DYRK4: variants seen among roughly 807,000 people sequenced by gnomAD.
DYRK4 encodes dual specificity tyrosine phosphorylation regulated kinase 4, also known as dual specificity tyrosine-phosphorylation-regulated kinase 4.
Under a neutral mutation model 68.3 loss-of-function variants are expected in DYRK4, and 64 were observed. The observed-to-expected ratio is 0.94, with a 90% CI of 0.77 to 1.15. The LOEUF is 1.15. DYRK4 is among the 50% of genes most tolerant of loss of function. The pLI is 0.00. For missense variants in DYRK4, 740 were observed against 764.7 expected (o/e 0.97, Z 0.38); for synonymous variants, 274 against 289.9 (o/e 0.95, Z 0.56).
At chr12:4,575,299 C>CGTGTGTGTGTGTGTGTGTGTGTGTG (rs1555120909) in intron 2 of DYRK4, among the ~76,000 whole-genome samples, 2 of 148,862 alleles carry the variant, frequency 1.3e-5, no homozygotes, top group Non-Finnish European at 3.0e-5. Context: ...CAATAACTTA[C>CGTGTGTGTGTGTGTGTGTGTGTGTG]TGTGTGTGTG....
At chr12:4,562,490 G>A (rs1203092143) in intron 1 of DYRK4, among the ~76,000 whole-genome samples, 3 of 152,340 alleles carry the variant, frequency 2.0e-5, no homozygotes, top group East Asian at 3.9e-4. Flanking sequence ...CTGCATCCCC[G>A]GAATCCGACG....
intron 12 of DYRK4, among the ~76,000 whole-genome samples, chr12:4,607,872 GT>G (rs1325098563): frequency 2.2e-4 from 33 of 152,300 alleles, no homozygotes; most frequent in African/African-American, 7.7e-4. Flanking sequence ...ATTGCCAATG[GT>G]TAAGCAAGGA....
In DYRK4 at chr12:4,613,406, A is replaced by G; in HGVS notation, c.1667-109A>G. On this transcript the variant is annotated intron_variant, in intron 14 of 14. Coordinates refer to ENST00000543431, the MANE Select transcript of DYRK4 (RefSeq NM_001394779.1). The surrounding 1 kb of genome is among the most constrained non-coding windows in gnomAD (Gnocchi z 4.0). ...GGTGCTTTACAAATGAACTGTTTTT[A>G]TATCATCACGGTCATCGTTTCCACT... 7.2e-7 allele frequency: 1 copy of G among 1,386,138 alleles called. No individual in the cohort carries two copies. Among genetic ancestry groups the G allele is most frequent in the South Asian group, 1.5e-5 (1 of 67,768 alleles). 85.9% of individuals were successfully genotyped at this position (1,386,138 alleles called of 1,614,324 possible).
chr12:4,590,800 G>C (rs931596991), intron 4 of DYRK4: 6 of 387,760 alleles, frequency 1.5e-5, no homozygotes, highest in Non-Finnish European at 2.7e-5. Flanking sequence ...ACTGAAAGAG[G>C]CGTCACACAC....
chr12:4,600,264 T>C (rs1159757564), intron 10 of DYRK4, among the ~76,000 whole-genome samples: 1 of 139,578 alleles, frequency 7.2e-6, no homozygotes, highest in African/African-American at 3.4e-5. Flanking sequence ...TACTGAACTT[T>C]ATTTAATATT....
chr12:4,584,102 A>T (rs1167911403), intron 2 of DYRK4, among the ~76,000 whole-genome samples: 3 of 152,150 alleles, frequency 2.0e-5, no homozygotes, highest in Non-Finnish European at 4.4e-5. Context: ...CACAAAGAAA[A>T]ACAAAAGTTC....
At chr12:4,587,674 C>T (rs952645686) in intron 2 of DYRK4, among the ~76,000 whole-genome samples, 4 of 152,172 alleles carry the variant, frequency 2.6e-5, no homozygotes, top group Non-Finnish European at 5.9e-5. Context: ...AGACCATGCC[C>T]CATGTTCTAT....
At chr12:4,578,955 C>A (rs115976219) in intron 2 of DYRK4, among the ~76,000 whole-genome samples, 3,359 of 152,294 alleles carry the variant, frequency 0.022, 103 homozygotes, top group African/African-American at 0.075. Context: ...ACATGCACAT[C>A]TCCTTCTTTC....
intron 3 of DYRK4, among the ~76,000 whole-genome samples, chr12:4,589,883 G>A (rs1262648324): frequency 2.0e-5 from 3 of 152,184 alleles, no homozygotes; most frequent in Admixed American, 6.5e-5. Context: ...TTGCACTGAG[G>A]AAGATTTGTG....
intron 10 of DYRK4, chr12:4,602,710 C>G (rs1448194424): frequency 1.4e-6 from 2 of 1,479,636 alleles, no homozygotes; most frequent in Admixed American, 3.4e-5. Context: ...AGGCAAATAC[C>G]CCTGACTCTT....
chr12:4,596,503 G>A, intron 7 of DYRK4, 86 bp from the exon 8 acceptor site: 2 of 1,541,946 alleles, frequency 1.3e-6, no homozygotes, highest in Non-Finnish European at 1.7e-6. Flanking sequence ...TGGGGTCATG[G>A]GGAGGGGCTG....
chr12:4,604,818 C>CG, intron 10 of DYRK4, 96 bp from the exon 11 acceptor site: 5 of 1,405,336 alleles, frequency 3.6e-6, no homozygotes, highest in Non-Finnish European at 4.7e-6. Flanking sequence ...TCACTGCCAG[C>CG]GGGGGCGCAG....
chr12:4,593,242 T>C lies in DYRK4; in HGVS notation c.627+77T>C, dbSNP rs193116386. The C allele has an allele frequency of 1.5e-5, 22 of 1,511,688 alleles. No individual in the cohort carries two copies. The Admixed American group carries it at 4.6e-4, about 32-fold the overall frequency. 93.6% of individuals were successfully genotyped at this position (1,511,688 alleles called of 1,614,324 possible). On this transcript the variant is annotated intron_variant, in intron 6 of 14. Coordinates refer to ENST00000543431, the MANE Select transcript of DYRK4 (RefSeq NM_001394779.1). Reference sequence around the variant, plus strand: ...AGTCTAGAAAGGAAAAAAGCAACGGTATTTTGTAGTATTTGGGGCTGATAC... The same window carrying C: ...AGTCTAGAAAGGAAAAAAGCAACGGCATTTTGTAGTATTTGGGGCTGATAC...
In DYRK4 at chr12:4,596,193, A is replaced by G. The variant is rs555277568; in HGVS notation, c.672A>G (p.Thr224=). ...HIAYRYEVLE[T]IGKGSFGQVA... is the part of the protein sequence containing the mutation. ...CCTACCGCTATGAAGTTCTGGAGACAATCGGGAAGGGGTCCTTTGGACAGG... is the reference window on the plus strand; with the variant it reads ...CCTACCGCTATGAAGTTCTGGAGACGATCGGGAAGGGGTCCTTTGGACAGG... The change falls in exon 7 of 15, where the codon ACA becomes ACG. Residue 224 remains threonine (T), a synonymous_variant. Coordinates refer to ENST00000543431, the MANE Select transcript of DYRK4 (RefSeq NM_001394779.1). The G allele has an allele frequency of 6.2e-7, 1 of 1,614,198 alleles. No individual in the cohort carries two copies. Among genetic ancestry groups the G allele is most frequent in the African/African-American group, 1.3e-5 (1 of 75,042 alleles).
In DYRK4 at chr12:4,590,376, A is replaced by G; in HGVS notation, c.260A>G (p.Lys87Arg). 6.5e-7 allele frequency: 1 copy of G among 1,535,950 alleles called. No individual in the cohort carries two copies. Among genetic ancestry groups the G allele is most frequent in the Non-Finnish European group, 8.7e-7 (1 of 1,146,838 alleles). Reference protein sequence around the residue: ...SLPFVDTKGKKNTVSFPHISK... With the variant: ...SLPFVDTKGKRNTVSFPHISK... ...CCCTTTGTGGACACCAAGGGGAAGA[A>G]GAATACGGTAAGCTTCCCACACATT... Residue 87 changes from lysine to arginine, a missense_variant, in exon 4 of 15, where the codon AAG becomes AGG. Lys to Arg is a conservative substitution (Grantham distance 26). Around this residue, in one of 3 missense-constraint regions of DYRK4, gnomAD observed 56 missense variants for 89.9 expected, o/e 0.62. Transcript: ENST00000543431.
chr12:4,571,432 C>T (rs1422810357), intron 2 of DYRK4, among the ~76,000 whole-genome samples: 5 of 152,182 alleles, frequency 3.3e-5, no homozygotes, highest in Non-Finnish European at 2.9e-5. Flanking sequence ...TCTTGCCCTC[C>T]AGAACTGTGC....
intron 1 of DYRK4, among the ~76,000 whole-genome samples, chr12:4,566,259 G>A (rs967407448): frequency 2.6e-5 from 4 of 152,156 alleles, no homozygotes; most frequent in Admixed American, 6.5e-5. Flanking sequence ...TTCAGCCCAG[G>A]TTTAGCATAG....
Position 4,613,610 on chromosome 12 carries a change from G to C in DYRK4, c.1762G>C (p.Ala588Pro), listed in dbSNP as rs1945254649. 2.5e-6 allele frequency: 4 copies of C among 1,614,174 alleles called. No individual in the cohort carries two copies. The South Asian group carries it at 4.4e-5, about 18-fold the overall frequency. The change falls in exon 15 of 15, where the codon GCT (alanine) becomes CCT (proline). Residue 588 changes from alanine to proline, a missense_variant. Physicochemically the swap from Ala to Pro is conservative, Grantham distance 27. Coordinates refer to ENST00000543431, the MANE Select transcript of DYRK4 (RefSeq NM_001394779.1). This position sits in a 1 kb window ranked among gnomAD's most constrained non-coding sequence, Gnocchi z 4.0. Reference sequence around the variant, plus strand: ...TCAGCAGGACTGTCTCCAGCACGGAGCTGACACTGTTCAGCTGCCTCAACT... The same window carrying C: ...TCAGCAGGACTGTCTCCAGCACGGACCTGACACTGTTCAGCTGCCTCAACT... ...GDQQDCLQHG[A>P]DTVQLPQLVD...
chr12:4,568,984 A>G (rs1944704056), intron 2 of DYRK4, among the ~76,000 whole-genome samples: 4 of 152,346 alleles, frequency 2.6e-5, no homozygotes, highest in African/African-American at 9.6e-5. Flanking sequence ...ACTGTTTGGC[A>G]GAACTGGAGT....
Sources: gnomAD v4.1 joint callset for allele counts (sites outside exome capture counted in the v4.1 genomes callset) on GRCh38, gnomAD v4.1.1 for gene constraint, gnomAD v4.1.1 regional missense constraint, Gnocchi (gnomAD v3.1) non-coding constraint, MANE v1.5 for transcripts, NCBI Gene and HGNC (gene_info 2026-07-23, HGNC 2026-07-21) for gene names.